Variants in WDR7 observed in about 807,000 individuals in gnomAD.
The protein encoded by WDR7 is WD repeat domain 7, also known as WD repeat-containing protein 7.
Under a neutral mutation model 169.4 loss-of-function variants are expected in WDR7, and 46 were observed. That is an observed-to-expected ratio of 0.27 (90% confidence interval 0.21 to 0.35). WDR7 has a LOEUF of 0.35. Among genes scored for constraint, WDR7 ranks in the 10% least tolerant of loss-of-function variants. The pLI is 1.00. For missense variants in WDR7, 1,534 were observed against 1,859.3 expected (o/e 0.83, Z 3.22); for synonymous variants, 612 against 666.8 (o/e 0.92, Z 1.27).
intron 14 of WDR7, among the ~76,000 whole-genome samples, chr18:56,752,611 T>C (rs1467165896): frequency 5.3e-5 from 8 of 152,228 alleles, no homozygotes; most frequent in Non-Finnish European, 8.8e-5. Context: ...AATGAATGAA[T>C]TAAATACGAG....
At chr18:56,914,850 T>C (rs1208119377) in intron 21 of WDR7, among the ~76,000 whole-genome samples, 1 of 152,084 alleles carries the variant, frequency 6.6e-6, no homozygotes, top group Non-Finnish European at 1.5e-5. Context: ...CAAAATACAT[T>C]ATACCAAAAG....
intron 20 of WDR7, among the ~76,000 whole-genome samples, chr18:56,828,038 TG>T (rs1356689382): frequency 6.6e-6 from 1 of 152,170 alleles, no homozygotes; most frequent in Non-Finnish European, 1.5e-5. Flanking sequence ...ATAACATAAA[TG>T]GTTGATAACT....
At chr18:57,007,011 G>T (rs1280003184) in intron 26 of WDR7, among the ~76,000 whole-genome samples, 1 of 143,006 alleles carries the variant, frequency 7.0e-6, no homozygotes, top group Non-Finnish European at 1.5e-5. Flanking sequence ...ACGGAATCTC[G>T]CTCTGTCACC....
At chr18:56,767,560 C>T (rs1255684045) in intron 16 of WDR7, among the ~76,000 whole-genome samples, 19 of 152,178 alleles carry the variant, frequency 1.2e-4, no homozygotes, top group Non-Finnish European at 2.9e-5. Context: ...AACCATTGTT[C>T]ATACATTTTG....
chr18:56,858,727 G>A (rs2145400244), intron 20 of WDR7, among the ~76,000 whole-genome samples: 1 of 152,162 alleles, frequency 6.6e-6, no homozygotes, highest in African/African-American at 2.4e-5. Flanking sequence ...TCTGCTTCTA[G>A]GCTTGATTCA....
rs118052246 is a variant in WDR7, at chr18:56,734,929, C to A, written c.1989+3332C>A. Among the ~76,000 whole-genome samples, 525 of 152,096 alleles carry A rather than the reference C, an allele frequency of 3.5e-3. 3 individuals carry two copies. The highest frequency in any genetic ancestry group is 0.031 in the East Asian group (162 of 5,182). On this transcript the variant is annotated intron_variant, in intron 14 of 27. Transcript: ENST00000254442. ...TAGTGAAAAATGATAATTGCTCAAGCAATTTAGTAGGAAGTTAGTTTGAGG... is the reference window on the plus strand; with the variant it reads ...TAGTGAAAAATGATAATTGCTCAAGAAATTTAGTAGGAAGTTAGTTTGAGG...
At chr18:57,012,730 G>A (rs992495579) in intron 26 of WDR7, among the ~76,000 whole-genome samples, 66 of 152,178 alleles carry the variant, frequency 4.3e-4, no homozygotes, top group Middle Eastern at 3.2e-3. Context: ...CTGTAGGAAA[G>A]TCAAGCTACG....
chr18:57,009,178 G>A (rs4801070), intron 26 of WDR7, among the ~76,000 whole-genome samples: 116,869 of 152,164 alleles, frequency 0.77, 46,678 homozygotes, highest in East Asian at 0.88. Context: ...AAAAATGTTG[G>A]ATGTTATATC....
intron 26 of WDR7, among the ~76,000 whole-genome samples, chr18:56,972,503 C>T (rs2047502890): frequency 6.6e-6 from 1 of 152,166 alleles, no homozygotes; most frequent in Admixed American, 6.5e-5. Flanking sequence ...TCTTCCTGCT[C>T]TTTTCAGCAG....
intron 19 of WDR7, 21 bp downstream of exon 19, chr18:56,781,677 C>A: frequency 6.4e-7 from 1 of 1,554,988 alleles, no homozygotes; most frequent in Non-Finnish European, 8.7e-7. Context: ...TCATGCTTCT[C>A]TACAAAGCTT....
chr18:56,837,090 A>G (rs543716907), intron 20 of WDR7, among the ~76,000 whole-genome samples: 37 of 152,340 alleles, frequency 2.4e-4, no homozygotes, highest in Non-Finnish European at 4.7e-4. Flanking sequence ...TTAATTTGGG[A>G]AGGTTAATCT....
At chr18:56,955,654 G>GGATGATGATGAT (rs34888311) in intron 25 of WDR7, among the ~76,000 whole-genome samples, 3 of 150,268 alleles carry the variant, frequency 2.0e-5, no homozygotes, top group African/African-American at 4.9e-5. Flanking sequence ...AGATGCAGAT[G>GGATGATGATGAT]GATGATGATG....
intron 21 of WDR7, among the ~76,000 whole-genome samples, chr18:56,901,548 C>T (rs2046402153): frequency 6.6e-6 from 1 of 152,080 alleles, no homozygotes; most frequent in Non-Finnish European, 1.5e-5. Flanking sequence ...TAGTAATGTC[C>T]CATCGCTTAC....
At chr18:56,778,597 A>G (rs984197780) in intron 17 of WDR7, among the ~76,000 whole-genome samples, 1 of 152,052 alleles carries the variant, frequency 6.6e-6, no homozygotes, top group Non-Finnish European at 1.5e-5. Flanking sequence ...TTGTGTATCT[A>G]TTTTCACATA....
At chr18:56,659,026 AC>A (rs1369108337) in intron 1 of WDR7, among the ~76,000 whole-genome samples, 2 of 152,080 alleles carry the variant, frequency 1.3e-5, no homozygotes, top group Admixed American at 6.6e-5. Flanking sequence ...CCCTGTACTT[AC>A]TTTTAAGAAA....
intron 17 of WDR7, 97 bp from the exon 18 acceptor site, chr18:56,779,334 T>A (rs2044284893): frequency 1.2e-6 from 1 of 805,040 alleles, no homozygotes; most frequent in African/African-American, 1.7e-5. Context: ...TTAGCAGATC[T>A]GCCTTTTTTT....
At position 56,962,692 on chromosome 18, in the gene WDR7, C is replaced by T. The variant is rs570907254; in HGVS notation, c.4164+163C>T. Among the ~76,000 whole-genome samples, 4 of 152,268 alleles carry T rather than the reference C, an allele frequency of 2.6e-5. No homozygotes were observed. In the East Asian group the frequency reaches 5.8e-4, roughly 22 times the overall value. Reference sequence around the variant, plus strand: ...AGGACGCACAGAATATAGAGCCCTACTGTCTTCATTCACTGGGACTGAAGG... The same window carrying T: ...AGGACGCACAGAATATAGAGCCCTATTGTCTTCATTCACTGGGACTGAAGG... On this transcript the variant is annotated intron_variant, in intron 26 of 27. Transcript: ENST00000254442.
intron 26 of WDR7, chr18:57,010,147 T>C: frequency 1.0e-6 from 1 of 985,482 alleles, no homozygotes; most frequent in Non-Finnish European, 1.2e-6. Context: ...TTTATTTTCA[T>C]AGCACAGTAT....
chr18:56,809,314 G>T (rs1359853718), intron 19 of WDR7, among the ~76,000 whole-genome samples: 1 of 151,632 alleles, frequency 6.6e-6, no homozygotes, highest in Non-Finnish European at 1.5e-5. Flanking sequence ...TACCCTTACT[G>T]TTATTTTCTA....
Sources: gnomAD v4.1 joint callset for allele counts (sites outside exome capture counted in the v4.1 genomes callset) on GRCh38, gnomAD v4.1.1 for gene constraint, MANE v1.5 for transcripts, NCBI Gene and HGNC (gene_info 2026-07-23, HGNC 2026-07-21) for gene names.